LYPD6: variants seen among roughly 807,000 people sequenced by gnomAD.
The protein encoded by LYPD6 is ly6/PLAUR domain-containing protein 6.
Under a neutral mutation model 22.7 loss-of-function variants are expected in LYPD6, and 15 were observed. The observed-to-expected ratio is 0.66, with a 90% CI of 0.44 to 1.02. The LOEUF is 1.02. Among genes scored for constraint, LYPD6 ranks in the 50% least tolerant of loss-of-function variants. The pLI is 0.00. For missense variants in LYPD6, 189 were observed against 208.4 expected, an observed-to-expected ratio of 0.91 and a Z score of 0.57; for synonymous variants, 72 against 77.5, an observed-to-expected ratio of 0.93 and a Z score of 0.37.
At chr2:149,336,928 C>CTTGTGTGTGTGTGT (rs59618488) in intron 1 of LYPD6, among the ~76,000 whole-genome samples, 243 of 148,564 alleles carry the variant, frequency 1.6e-3, no homozygotes, top group Middle Eastern at 3.5e-3. Flanking sequence ...GTTGAAATAA[C>CTTGTGTGTGTGTGT]GTGTGTGTGT....
At chr2:149,341,343 T>G (rs145478066) in intron 1 of LYPD6, among the ~76,000 whole-genome samples, 228 of 152,320 alleles carry the variant, frequency 1.5e-3, no homozygotes, top group South Asian at 0.01. Context: ...AAGATGCCTT[T>G]TCTCCTGATT....
chr2:149,336,528 G>T (rs931228299), intron 1 of LYPD6, among the ~76,000 whole-genome samples: 3 of 152,202 alleles, frequency 2.0e-5, no homozygotes, highest in Non-Finnish European at 2.9e-5. Context: ...AAAAAGTGTA[G>T]GTTATAAAAC....
intron 2 of LYPD6, among the ~76,000 whole-genome samples, chr2:149,444,598 A>G (rs1683641235): frequency 1.3e-5 from 2 of 152,016 alleles, no homozygotes; most frequent in East Asian, 3.9e-4. Flanking sequence ...CTTTTTTGTC[A>G]TTTCAACAAT....
intron 1 of LYPD6, among the ~76,000 whole-genome samples, chr2:149,376,025 C>T (rs1043128589): frequency 5.3e-5 from 8 of 152,270 alleles, no homozygotes; most frequent in African/African-American, 7.2e-5. Flanking sequence ...AGATAGTGAA[C>T]GCACCTAAAC....
intron 1 of LYPD6, among the ~76,000 whole-genome samples, chr2:149,376,059 C>CAA (rs1681914061): frequency 6.6e-6 from 1 of 152,156 alleles, no homozygotes; most frequent in African/African-American, 2.4e-5. Context: ...GATGAAGCTG[C>CAA]AAAAACACAA....
chr2:149,484,950 T>C, the LYPD6 span, among the ~76,000 whole-genome samples: 3 of 152,154 alleles, frequency 2.0e-5, no homozygotes, highest in Non-Finnish European at 4.4e-5. Flanking sequence ...GTTGGAAACT[T>C]AGCAATCTCA....
intron 1 of LYPD6, among the ~76,000 whole-genome samples, chr2:149,360,199 G>A (rs558532164): frequency 1.3e-5 from 2 of 152,180 alleles, no homozygotes; most frequent in Admixed American, 1.3e-4. Context: ...CAGTGAGGAC[G>A]ACTGGAGGTC....
At chr2:149,419,827 AG>A (rs1683040398) in intron 1 of LYPD6, among the ~76,000 whole-genome samples, 1 of 136,052 alleles carries the variant, frequency 7.4e-6, no homozygotes, top group Non-Finnish European at 1.5e-5. Context: ...ATATGTGCTC[AG>A]GGTGTGTGTG....
At chr2:149,388,369 T>A (rs1185515429) in intron 1 of LYPD6, among the ~76,000 whole-genome samples, 2 of 152,140 alleles carry the variant, frequency 1.3e-5, no homozygotes, top group Middle Eastern at 3.2e-3. Context: ...AATGTATTTA[T>A]TATAGAGTAG....
chr2:149,446,392 A>G (rs1683688369), intron 2 of LYPD6, among the ~76,000 whole-genome samples: 1 of 152,232 alleles, frequency 6.6e-6, no homozygotes, highest in Non-Finnish European at 1.5e-5. Context: ...TAAAAATACA[A>G]TATCTGCAAA....
intron 3 of LYPD6, chr2:149,464,284 CA>C (rs1681154497): frequency 6.2e-6 from 2 of 323,854 alleles, no homozygotes; most frequent in Non-Finnish European, 1.2e-5. Flanking sequence ...AGGAAGATTT[CA>C]CAGAATTTAT....
chr2:149,424,844 C>T (rs921014176), intron 1 of LYPD6, among the ~76,000 whole-genome samples: 9 of 152,124 alleles, frequency 5.9e-5, no homozygotes, highest in Admixed American at 2.6e-4. Context: ...TACCCAGAAC[C>T]GATGCTTCTC....
chr2:149,480,796 T>C, the LYPD6 span, among the ~76,000 whole-genome samples: 1 of 152,178 alleles, frequency 6.6e-6, no homozygotes, highest in Admixed American at 6.5e-5. Flanking sequence ...TGAAGAGAGT[T>C]GCCTCACCCA....
At chr2:149,442,601 A>G (rs560644192) in intron 2 of LYPD6, among the ~76,000 whole-genome samples, 76 of 152,144 alleles carry the variant, frequency 5.0e-4, no homozygotes, top group South Asian at 1.7e-3. Context: ...TGAAGTAACA[A>G]AGAAGCAAAT....
At chr2:149,349,659 T>C (rs1226598331) in intron 1 of LYPD6, among the ~76,000 whole-genome samples, 1 of 152,224 alleles carries the variant, frequency 6.6e-6, no homozygotes, top group African/African-American at 2.4e-5. Context: ...CCCAATACTT[T>C]GCTAACAGCT....
At chr2:149,434,915 AAAAC>A (rs1478742980) in intron 1 of LYPD6, among the ~76,000 whole-genome samples, 1 of 151,234 alleles carries the variant, frequency 6.6e-6, no homozygotes, top group African/African-American at 2.4e-5. Context: ...TGTTACCTAA[AAAAC>A]AAAACAACAA....
At chr2:149,444,236 A>G (rs1050456872) in intron 2 of LYPD6, among the ~76,000 whole-genome samples, 2 of 152,170 alleles carry the variant, frequency 1.3e-5, no homozygotes, top group African/African-American at 4.8e-5. Flanking sequence ...TTCCACCAAC[A>G]ATGTACGTAT....
intron 2 of LYPD6, among the ~76,000 whole-genome samples, chr2:149,444,514 T>A (rs1359542673): frequency 6.6e-6 from 1 of 152,238 alleles, no homozygotes; most frequent in Non-Finnish European, 1.5e-5. Context: ...ACAGCAGAAC[T>A]TCTTTCAAAC....
rs1681378138 is a variant in LYPD6 at position 149,473,012 on chromosome 2, T to A, written c.*2162T>A. 6.6e-6 allele frequency: 1 copy of A among 152,546 alleles called. No homozygotes were observed. Among genetic ancestry groups the A allele is most frequent in the African/African-American group, 2.4e-5 (1 of 41,460 alleles). 9.4% of individuals were successfully genotyped at this position (152,546 alleles called of 1,614,324 possible). On this transcript the variant is annotated 3_prime_UTR_variant, in exon 5 of 5. Coordinates refer to ENST00000334166, the MANE Select transcript of LYPD6 (RefSeq NM_194317.5). The stretch of plus-strand genomic sequence containing the variant: ...TTTGGGGAGTAGGGGTTTGGCTTCC[T>A]CATTCATCCCTCTTGCTAAAAGAGG...
Sources: gnomAD v4.1 joint callset for allele counts (sites outside exome capture counted in the v4.1 genomes callset) on GRCh38, gnomAD v4.1.1 for gene constraint, MANE v1.5 for transcripts, NCBI Gene and HGNC (gene_info 2026-07-23, HGNC 2026-07-21) for gene names.